GALNT17: variants seen among roughly 807,000 people sequenced by gnomAD.
The protein encoded by GALNT17 is UDP-GalNAc:polypeptide N-acetylgalactosaminyltransferase-like 3.
GALNT17 carries 29 observed loss-of-function variants against 63.7 expected under a neutral mutation model. The observed-to-expected ratio is 0.46, with a 90% confidence interval of 0.34 to 0.62. The LOEUF is 0.62. Ranked by LOEUF, GALNT17 falls within the 20% of genes least tolerant of loss-of-function variation. GALNT17 has a pLI of 0.01. For synonymous variants in GALNT17, 305 were observed against 318.3 expected (o/e 0.96, Z 0.45); for missense variants, 603 against 799.6 (o/e 0.75, Z 2.97).
chr7:71,617,263 A>G (rs182395632), intron 6 of GALNT17, among the ~76,000 whole-genome samples: 90 of 146,674 alleles, frequency 6.1e-4, no homozygotes, highest in Middle Eastern at 3.6e-3. Flanking sequence ...CCAGGTAGTA[A>G]GCATAGTACT....
intron 3 of GALNT17, among the ~76,000 whole-genome samples, chr7:71,402,249 G>T (rs141538273): frequency 6.6e-6 from 1 of 152,296 alleles, no homozygotes; most frequent in Non-Finnish European, 1.5e-5. Context: ...TCATTCATCG[G>T]TATTCAACTT....
At chr7:71,386,753 C>T (rs777991202) in intron 2 of GALNT17, among the ~76,000 whole-genome samples, 11 of 152,182 alleles carry the variant, frequency 7.2e-5, no homozygotes, top group Non-Finnish European at 1.5e-4. Flanking sequence ...TGTCTCCTGT[C>T]TCCAGGGAGG....
intron 9 of GALNT17, among the ~76,000 whole-genome samples, chr7:71,686,027 T>C (rs1791352429): frequency 7.3e-6 from 1 of 136,832 alleles, no homozygotes; most frequent in South Asian, 2.6e-4. Flanking sequence ...CGATCTTGGC[T>C]CACTGCAACC....
chr7:71,257,060 G>A lies in GALNT17; in HGVS notation c.239-78490G>A, dbSNP rs560263670. Reference sequence around the variant, plus strand: ...GAGCGGCCTCTGTGTGACCACTTCTGGGGACATTATTTGGTTAACATAGAA... The same window carrying A: ...GAGCGGCCTCTGTGTGACCACTTCTAGGGACATTATTTGGTTAACATAGAA... On this transcript the variant is annotated intron_variant, in intron 1 of 10. Transcript: ENST00000333538. 3.3e-5 allele frequency among the ~76,000 whole-genome samples: 5 copies of A among 152,260 alleles called. No individual in the cohort carries two copies. The East Asian group carries it at 9.6e-4, about 29-fold the overall frequency.
At chr7:71,682,834 C>T (rs1791288403) in intron 9 of GALNT17, among the ~76,000 whole-genome samples, 1 of 152,152 alleles carries the variant, frequency 6.6e-6, no homozygotes, top group Admixed American at 6.6e-5. Flanking sequence ...TCCCAAAGTG[C>T]TGAGGCTACA....
intron 1 of GALNT17, among the ~76,000 whole-genome samples, chr7:71,160,105 G>T (rs1332855258): frequency 1.3e-5 from 2 of 152,090 alleles, no homozygotes; most frequent in African/African-American, 4.8e-5. Flanking sequence ...TATGTAATTA[G>T]CATGTTAATT....
chr7:71,523,327 G>GCTGA lies in GALNT17; in HGVS notation c.963-47957_963-47954dup, dbSNP rs1205849917. On this transcript the variant is annotated intron_variant, in intron 5 of 10. Coordinates refer to ENST00000333538, the MANE Select transcript of GALNT17 (RefSeq NM_022479.3). ...GCCTGTGGCCCCAGCTACTCAGGAA[G>GCTGA]CTGAGGTGGGAGAATTGCTTGAGCC... Among the ~76,000 whole-genome samples the GCTGA allele has an allele frequency of 3.9e-5, 6 of 152,206 alleles. 1 individual carries two copies. The highest frequency in any genetic ancestry group is 6.3e-3 in the Middle Eastern group (2 of 316).
chr7:71,598,809 A>C (rs949077501), intron 6 of GALNT17, among the ~76,000 whole-genome samples: 2 of 56,406 alleles, frequency 3.5e-5, no homozygotes, highest in Non-Finnish European at 9.3e-5. Context: ...AATGGGCAGT[A>C]GCAAATCGGG....
At chr7:71,198,461 A>G (rs1789099287) in intron 1 of GALNT17, among the ~76,000 whole-genome samples, 1 of 152,162 alleles carries the variant, frequency 6.6e-6, no homozygotes, top group Non-Finnish European at 1.5e-5. Flanking sequence ...CTACTTACTA[A>G]ACATGGTCCT....
intron 1 of GALNT17, among the ~76,000 whole-genome samples, chr7:71,314,863 A>G (rs1791473505): frequency 6.6e-6 from 1 of 152,170 alleles, no homozygotes; most frequent in African/African-American, 2.4e-5. Context: ...CCATGATTGC[A>G]CAGACACTGC....
intron 5 of GALNT17, among the ~76,000 whole-genome samples, chr7:71,525,204 C>T (rs1562676000): frequency 1.3e-5 from 2 of 152,024 alleles, no homozygotes; most frequent in Admixed American, 6.6e-5. Context: ...GATGGAGTCT[C>T]GTTTTGTCTC....
intron 3 of GALNT17, among the ~76,000 whole-genome samples, chr7:71,401,052 T>C (rs1333056889): frequency 6.6e-6 from 1 of 152,162 alleles, no homozygotes; most frequent in Non-Finnish European, 1.5e-5. Flanking sequence ...GAAGCTTCTT[T>C]GTTTTTACAA....
intron 5 of GALNT17, among the ~76,000 whole-genome samples, chr7:71,485,234 T>A (rs1453784959): frequency 6.6e-6 from 1 of 151,964 alleles, no homozygotes; most frequent in Non-Finnish European, 1.5e-5. Context: ...GCCTCCCAAA[T>A]AGCTGGAACT....
At chr7:71,377,140 T>TA (rs1554362140) in intron 2 of GALNT17, among the ~76,000 whole-genome samples, 4 of 109,574 alleles carry the variant, frequency 3.7e-5, no homozygotes, top group Non-Finnish European at 7.2e-5. Context: ...TATATATATA[T>TA]AAAATCTCCT....
chr7:71,701,860 T>C (rs866934422), intron 9 of GALNT17, among the ~76,000 whole-genome samples: 10,570 of 82,642 alleles, frequency 0.13, 733 homozygotes, highest in African/African-American at 0.19. Context: ...TATATACACA[T>C]ATATATATAC....
intron 5 of GALNT17, among the ~76,000 whole-genome samples, chr7:71,520,546 G>A (rs1267177828): frequency 6.6e-6 from 1 of 152,058 alleles, no homozygotes; most frequent in African/African-American, 2.4e-5. Context: ...AAAACAGAAG[G>A]TGGAATGAGA....
At chr7:71,648,395 T>C (rs548104552) in intron 6 of GALNT17, among the ~76,000 whole-genome samples, 13 of 152,038 alleles carry the variant, frequency 8.6e-5, no homozygotes, top group South Asian at 2.1e-4. Flanking sequence ...GTCAGCCTCC[T>C]GAGTAGCTGG....
intron 1 of GALNT17, among the ~76,000 whole-genome samples, chr7:71,141,939 C>A (rs1787902311): frequency 6.7e-6 from 1 of 148,600 alleles, no homozygotes. Context: ...GTCTTGAACT[C>A]CTGACCTCAA....
At chr7:71,148,882 A>G (rs1332239034) in intron 1 of GALNT17, among the ~76,000 whole-genome samples, 1 of 141,360 alleles carries the variant, frequency 7.1e-6, no homozygotes, top group Admixed American at 7.0e-5. Flanking sequence ...ATATATATAT[A>G]TATATATATA....
Sources: gnomAD v4.1 joint callset for allele counts (sites outside exome capture counted in the v4.1 genomes callset) on GRCh38, gnomAD v4.1.1 for gene constraint, MANE v1.5 for transcripts, NCBI Gene and HGNC (gene_info 2026-07-23, HGNC 2026-07-21) for gene names.